Variants in AFG2B observed in about 807,000 individuals in gnomAD.
AFG2B encodes AAA ATPase AFG2B.
chr15:45,402,382 G>T, the AFG2B span: 1 of 1,556,976 alleles, frequency 6.4e-7, no homozygotes, highest in Non-Finnish European at 8.7e-7. Flanking sequence ...TTTGTGGGCC[G>T]GGTGGGTTTC....
the AFG2B span, among the ~76,000 whole-genome samples, chr15:45,404,388 A>G: frequency 6.6e-6 from 1 of 152,218 alleles, no homozygotes; most frequent in Non-Finnish European, 1.5e-5. Context: ...CTTTCTAGCC[A>G]GTGTTACTCC....
the AFG2B span, chr15:45,407,138 C>T: frequency 7.8e-7 from 1 of 1,287,384 alleles, no homozygotes; most frequent in African/African-American, 1.5e-5. Flanking sequence ...GTGTAGTTAC[C>T]ACAGGTGATG....
the AFG2B span, chr15:45,403,059 C>T: frequency 1.3e-6 from 2 of 1,547,528 alleles, no homozygotes; most frequent in Non-Finnish European, 1.7e-6. Context: ...AGGCGGCCGA[C>T]TCGCTGCGGG....
the AFG2B span, among the ~76,000 whole-genome samples, chr15:45,404,715 C>A: frequency 6.6e-6 from 1 of 150,618 alleles, no homozygotes. Context: ...GGCTGAGGCA[C>A]CAGAATCACT....
chr15:45,403,318 C>T, the AFG2B span: 1 of 1,598,532 alleles, frequency 6.3e-7, no homozygotes, highest in East Asian at 2.3e-5. Context: ...CAGCCGCGGA[C>T]CCAGCCTCCT....
At chr15:45,403,164 G>T in the AFG2B span, 11 of 1,463,088 alleles carry the variant, frequency 7.5e-6, no homozygotes, top group Middle Eastern at 2.2e-4. Context: ...CCCCCGGAGT[G>T]GGCAAGACCC....
At chr15:45,405,728 C>A in the AFG2B span, among the ~76,000 whole-genome samples, 1 of 152,166 alleles carries the variant, frequency 6.6e-6, no homozygotes, top group African/African-American at 2.4e-5. Context: ...TTGTTCCCTA[C>A]TCTTATAGTA....
chr15:45,414,373 T>C, the AFG2B span, among the ~76,000 whole-genome samples: 3 of 152,206 alleles, frequency 2.0e-5, no homozygotes, highest in South Asian at 6.2e-4. Flanking sequence ...CTAGTTCTAA[T>C]AGTAAATCAT....
the AFG2B span, chr15:45,414,897 T>G: frequency 1.1e-6 from 1 of 878,162 alleles, no homozygotes; most frequent in South Asian, 1.8e-5. Context: ...TTTATACGTT[T>G]ATTGAAAAAT....
chr15:45,418,799 C>A, the AFG2B span: 12 of 1,326,636 alleles, frequency 9.0e-6, no homozygotes, highest in Non-Finnish European at 1.2e-5. Flanking sequence ...GTGAAACAGA[C>A]AGATGTGGCC....
the AFG2B span, among the ~76,000 whole-genome samples, chr15:45,420,017 A>C: frequency 1.3e-5 from 2 of 150,072 alleles, no homozygotes; most frequent in African/African-American, 4.9e-5. Flanking sequence ...AAAAAAAACA[A>C]AAAACAAAAC....
At chr15:45,417,344 T>G in the AFG2B span, 1 of 1,614,150 alleles carries the variant, frequency 6.2e-7, no homozygotes, top group Non-Finnish European at 8.5e-7. Context: ...GATACTGCTT[T>G]GTTACGACCT....
the AFG2B span, chr15:45,414,822 T>C: frequency 6.5e-7 from 1 of 1,531,788 alleles, no homozygotes; most frequent in East Asian, 2.3e-5. Flanking sequence ...CTTTTGAATT[T>C]TTATTTCATT....
At chr15:45,417,177 AT>A in the AFG2B span, 1 of 1,474,318 alleles carries the variant, frequency 6.8e-7, no homozygotes, top group East Asian at 2.3e-5. Context: ...GGATATCCCT[AT>A]TTGAATTTAA....
the AFG2B span, chr15:45,417,596 G>T: frequency 2.0e-6 from 1 of 512,206 alleles, no homozygotes; most frequent in Non-Finnish European, 3.4e-6. Context: ...CTAAATATAT[G>T]GTGGTTATTT....
the AFG2B span, among the ~76,000 whole-genome samples, chr15:45,403,726 C>G: frequency 6.6e-6 from 1 of 152,114 alleles, no homozygotes; most frequent in Non-Finnish European, 1.5e-5. Context: ...TTGTCAGGAC[C>G]TGTGAGTCAG....
the AFG2B span, among the ~76,000 whole-genome samples, chr15:45,412,964 A>G: frequency 6.6e-6 from 1 of 152,238 alleles, no homozygotes; most frequent in African/African-American, 2.4e-5. Flanking sequence ...TAATAATTAT[A>G]ATTTATTCAT....
the AFG2B span, among the ~76,000 whole-genome samples, chr15:45,405,953 T>TTA: frequency 1.3e-5 from 2 of 152,130 alleles, no homozygotes; most frequent in African/African-American, 2.4e-5. Flanking sequence ...GTGTATTTCC[T>TTA]TATATATATA....
chr15:45,417,190 T>G, the AFG2B span: 1 of 1,536,284 alleles, frequency 6.5e-7, no homozygotes, highest in Non-Finnish European at 8.8e-7. Flanking sequence ...TGAATTTAAA[T>G]AGACCTTCTG....
Sources: allele counts gnomAD v4.1 joint callset (sites outside exome capture counted in the v4.1 genomes callset), GRCh38; gene constraint gnomAD v4.1.1; transcripts MANE v1.5; gene names NCBI Gene and HGNC (gene_info 2026-07-23, HGNC 2026-07-21).